The following PCDHA2 variants were observed in gnomAD, a reference collection of about 807,000 sequenced individuals.
The protein encoded by PCDHA2 is protocadherin alpha-2.
Under a neutral mutation model 66.0 loss-of-function variants are expected in PCDHA2, and 58 were observed. The observed-to-expected ratio is 0.88, with a 90% CI of 0.71 to 1.09. The LOEUF (loss-of-function observed/expected upper bound fraction) is 1.09. Among genes scored for constraint, PCDHA2 ranks in the 50% least tolerant of loss-of-function variants. The pLI is 0.00. For synonymous variants in PCDHA2, 634 were observed against 554.0 expected, an observed-to-expected ratio of 1.14 and a Z score of -2.03; for missense variants, 1,267 against 1,242.3, an observed-to-expected ratio of 1.02 and a Z score of -0.30.
Position 140,796,229 on chromosome 5 carries a change from A to G in PCDHA2, c.1265A>G (p.Glu422Gly). 1 of 1,614,180 alleles carries G rather than the reference A, an allele frequency of 6.2e-7. No individual in the cohort carries two copies. The highest frequency in any genetic ancestry group is 8.5e-7 in the Non-Finnish European group (1 of 1,180,038). ...ALDRESVSAY[E>G]LVVTARDGGS... Reference sequence around the variant, plus strand: ...GACCGCGAGAGCGTGTCAGCCTATGAGCTGGTGGTGACCGCACGGGACGGG... The same window carrying G: ...GACCGCGAGAGCGTGTCAGCCTATGGGCTGGTGGTGACCGCACGGGACGGG... Residue 422 changes from glutamate to glycine, a missense_variant, in exon 1 of 4, where the codon GAG becomes GGG. Glu to Gly is a moderately conservative substitution (Grantham distance 98). Transcript: ENST00000526136.
At chr5:140,809,191 A>G (rs1764391277) in intron 1 of PCDHA2, 1 of 1,614,020 alleles carries the variant, frequency 6.2e-7, no homozygotes, top group Non-Finnish European at 8.5e-7. Flanking sequence ...TGCTGGTGTC[A>G]CTTGTGGAGA....
chr5:140,795,547 G>A lies in PCDHA2; in HGVS notation c.583G>A (p.Val195Met). The change falls in exon 1 of 4, where the codon GTG (valine) becomes ATG (methionine). Residue 195 changes from valine to methionine, a missense_variant. Val to Met is a conservative substitution (Grantham distance 21, BLOSUM62 1). Transcript: ENST00000526136. Reference sequence around the variant, plus strand: ...TGAACTAAGCGAATCTTTGTCTCTCGTGCTGGGGAAATCGCTGGACAGAGA... The same window carrying A: ...TGAACTAAGCGAATCTTTGTCTCTCATGCTGGGGAAATCGCTGGACAGAGA... ...NDELSESLSLVLGKSLDREET... is the reference protein window; with the variant it reads ...NDELSESLSLMLGKSLDREET... 6.2e-7 allele frequency: 1 copy of A among 1,614,094 alleles called. No homozygotes were observed. Among genetic ancestry groups the A allele is most frequent in the Non-Finnish European group, 8.5e-7 (1 of 1,180,014 alleles).
At chr5:140,852,926 T>A in intron 1 of PCDHA2, 3 of 649,848 alleles carry the variant, frequency 4.6e-6, no homozygotes, top group Non-Finnish European at 5.9e-6. Flanking sequence ...TTGCCCAGGC[T>A]GGAGTGCAGT....
chr5:140,914,783 A>G (rs1445627539), intron 1 of PCDHA2, among the ~76,000 whole-genome samples: 1 of 151,972 alleles, frequency 6.6e-6, no homozygotes, highest in Admixed American at 6.6e-5. Context: ...TTATCTTATG[A>G]CCCATTATTT....
intron 1 of PCDHA2, among the ~76,000 whole-genome samples, chr5:140,970,131 A>G (rs1554232260): frequency 6.6e-6 from 1 of 152,186 alleles, no homozygotes; most frequent in Non-Finnish European, 1.5e-5. Context: ...GAAGGAAGAG[A>G]AGGGAAAAAG....
In PCDHA2 at chr5:141,003,833, A is replaced by G. The variant is rs1215772990; in HGVS notation, c.2537-5794A>G. On this transcript the variant is annotated intron_variant, in intron 3 of 3. Transcript: ENST00000526136. ...AGTCTGGGAAGGGCTCTGCCTAACG[A>G]TTCAGACCCCTACCAGATTTATATG... is the stretch of plus-strand genomic sequence containing the variant. 2.6e-5 allele frequency among the ~76,000 whole-genome samples: 4 copies of G among 152,176 alleles called. No individual in the cohort carries two copies. In the East Asian group the frequency reaches 7.7e-4, roughly 29 times the overall value.
chr5:140,952,371 C>T (rs186648472), intron 1 of PCDHA2, among the ~76,000 whole-genome samples: 1 of 151,860 alleles, frequency 6.6e-6, no homozygotes, highest in African/African-American at 2.4e-5. Flanking sequence ...AAGAAATTTC[C>T]TCTGCCAGGT....
chr5:140,907,111 C>T (rs1465808747), intron 1 of PCDHA2, among the ~76,000 whole-genome samples: 1 of 152,130 alleles, frequency 6.6e-6, no homozygotes, highest in African/African-American at 2.4e-5. Flanking sequence ...ACTTCCACCC[C>T]TTGATTCCTG....
chr5:140,986,042 C>T (rs1344724281), intron 3 of PCDHA2, among the ~76,000 whole-genome samples: 1 of 152,104 alleles, frequency 6.6e-6, no homozygotes, highest in Admixed American at 6.5e-5. Context: ...CCTGGCCTCA[C>T]TGATGAATTC....
intron 1 of PCDHA2, among the ~76,000 whole-genome samples, chr5:140,921,713 A>T (rs1247257514): frequency 2.0e-5 from 3 of 152,174 alleles, no homozygotes; most frequent in Non-Finnish European, 4.4e-5. Flanking sequence ...CAGTAAACAC[A>T]CGAATTACTC....
chr5:140,861,533 C>T (rs890249596), intron 1 of PCDHA2: 6 of 446,700 alleles, frequency 1.3e-5, no homozygotes, highest in South Asian at 7.2e-5. Context: ...TCTCGGAGTG[C>T]AGCATCCACC....
chr5:140,824,610 G>GTTGTTTTTTTTTTTT lies in PCDHA2; in HGVS notation c.2388+27260_2388+27261insGTTTTTTTTTTTTTT, dbSNP rs1768193318. The GTTGTTTTTTTTTTTT allele has an allele frequency of 3.2e-5, 3 of 95,104 alleles. 1 individual carries two copies. The highest frequency in any genetic ancestry group is 1.5e-4 in the African/African-American group (3 of 20,556). The allele number at this position is 95,104 out of a possible 1,614,324, so 5.9% of individuals were successfully genotyped here. A position where few individuals can be genotyped will look rare whatever the true frequency, so the allele number is the denominator to read the frequency against. On this transcript the variant is annotated intron_variant, in intron 1 of 3. Coordinates refer to ENST00000526136, the MANE Select transcript of PCDHA2 (RefSeq NM_018905.3). ...GGACTACATGCACATGCTAATTAAAGTTTTTTTTTTTTTTTTTTTTTTATT... is the reference window on the plus strand; with the variant it reads ...GGACTACATGCACATGCTAATTAAAGTTGTTTTTTTTTTTTTTTTTTTTTTTTTTTTTTTTTTATT...
intron 1 of PCDHA2, among the ~76,000 whole-genome samples, chr5:140,914,309 C>A (rs1461023041): frequency 1.3e-5 from 2 of 152,082 alleles, no homozygotes; most frequent in Non-Finnish European, 2.9e-5. Flanking sequence ...TGAATTGACC[C>A]CATTATCATT....
rs782305894 is a variant in PCDHA2 at position 140,801,987 on chromosome 5, G to T, written c.2388+4635G>T. The stretch of plus-strand genomic sequence containing the variant: ...ACCAAATGGTACCCTAGTGGTGACC[G>T]TTAACGCCACCGATTTGGATGAAGG... On this transcript the variant is annotated intron_variant, in intron 1 of 3. Transcript: ENST00000526136. The T allele has an allele frequency of 9.3e-6, 15 of 1,614,224 alleles. No homozygotes were observed. In the South Asian group the frequency reaches 1.6e-4, roughly 18 times the overall value.
intron 1 of PCDHA2, among the ~76,000 whole-genome samples, chr5:140,840,700 CA>C (rs1776825723): frequency 6.6e-6 from 1 of 151,868 alleles, no homozygotes; most frequent in African/African-American, 2.4e-5. Context: ...ACGGTTCAGG[CA>C]ATTTGACATT....
At chr5:140,867,674 T>C (rs1450203824) in intron 1 of PCDHA2, 1 of 152,128 alleles carries the variant, frequency 6.6e-6, no homozygotes, top group Non-Finnish European at 1.5e-5. Flanking sequence ...CTCTAAAATT[T>C]TGTTGCATCT....
chr5:140,982,221 A>T, intron 2 of PCDHA2: 1 of 546,340 alleles, frequency 1.8e-6, no homozygotes. Flanking sequence ...ACATGGCGTT[A>T]ATAAAAAACA....
intron 3 of PCDHA2, among the ~76,000 whole-genome samples, chr5:140,999,514 A>G (rs782202425): frequency 1.4e-4 from 22 of 152,210 alleles, no homozygotes; most frequent in Non-Finnish European, 1.0e-4. Context: ...CATTTTAAGC[A>G]TTTTGTTACC....
rs140457638 is a variant in PCDHA2, at chr5:140,883,730, G to T, written c.2388+86378G>T. On this transcript the variant is annotated intron_variant, in intron 1 of 3. Coordinates refer to ENST00000526136, the MANE Select transcript of PCDHA2 (RefSeq NM_018905.3). ...TCAGGACGCGGACGCACAGGAGAAC[G>T]CGCTGGTCTCCTACTCGCTGGTGGA... 4.3e-6 allele frequency: 7 copies of T among 1,613,530 alleles called. No homozygotes were observed. The East Asian group carries it at 1.6e-4, about 36-fold the overall frequency.
Sources: gnomAD v4.1 joint callset for allele counts (sites outside exome capture counted in the v4.1 genomes callset) on GRCh38, gnomAD v4.1.1 for gene constraint, MANE v1.5 for transcripts, NCBI Gene and HGNC (gene_info 2026-07-23, HGNC 2026-07-21) for gene names.